Variants in DMC1 observed in about 807,000 individuals in gnomAD.
DMC1 encodes meiotic recombination protein DMC1 homolog.
Under a neutral mutation model 50.1 loss-of-function variants are expected in DMC1, and 27 were observed. The ratio of observed to expected loss-of-function variants is 0.54; its 90% CI spans 0.40 to 0.74. The LOEUF is 0.74. DMC1 is among the 30% of genes least tolerant of loss of function. The probability of loss-of-function intolerance (pLI) is 0.00; values close to 1 mark genes in which losing one functional copy is unlikely to be tolerated. For synonymous variants in DMC1, 148 were observed against 136.1 expected (o/e 1.09, Z -0.61); for missense variants, 295 against 420.2 (o/e 0.70, Z 2.60).
intron 12 of DMC1, among the ~76,000 whole-genome samples, chr22:38,535,264 A>C (rs1602728428): frequency 6.6e-6 from 1 of 151,502 alleles, no homozygotes; most frequent in Non-Finnish European, 1.5e-5. Flanking sequence ...GTGCCACTGC[A>C]CTCTAGCCTG....
intron 8 of DMC1, chr22:38,549,707 A>G (rs375969787): frequency 3.9e-6 from 2 of 510,792 alleles, no homozygotes. Context: ...ATTTCCTCTC[A>G]TGTATTTGTT....
chr22:38,529,744 C>T (rs531902568), intron 12 of DMC1, among the ~76,000 whole-genome samples: 2 of 152,108 alleles, frequency 1.3e-5, no homozygotes, highest in East Asian at 1.9e-4. Context: ...ATTGGGCAAA[C>T]GCTAAGTATT....
the DMC1 span, among the ~76,000 whole-genome samples, chr22:38,513,445 C>A: frequency 6.6e-6 from 1 of 152,170 alleles, no homozygotes; most frequent in Non-Finnish European, 1.5e-5. Flanking sequence ...GAAACATTTG[C>A]CCTAACAAGC....
At chr22:38,566,475 T>C (rs1260510470) in intron 4 of DMC1, 115 bp downstream of exon 4, 8 of 1,111,470 alleles carry the variant, frequency 7.2e-6, no homozygotes, top group Non-Finnish European at 1.1e-5. Flanking sequence ...GAGTATAATA[T>C]ACTGTGATCT....
intron 8 of DMC1, among the ~76,000 whole-genome samples, chr22:38,542,563 A>T (rs2090295042): frequency 6.6e-6 from 1 of 152,224 alleles, no homozygotes; most frequent in Admixed American, 6.5e-5. Flanking sequence ...AGGACACACA[A>T]AAAACAGAAA....
intron 7 of DMC1, among the ~76,000 whole-genome samples, chr22:38,551,911 A>G (rs1389296506): frequency 4.8e-5 from 6 of 125,444 alleles, no homozygotes; most frequent in African/African-American, 1.6e-4. Flanking sequence ...CCCAGGCTGG[A>G]GTGCAGTGGC....
chr22:38,537,804 A>G (rs1255233881), intron 11 of DMC1, 152 bp from the exon 12 acceptor site: 12 of 648,488 alleles, frequency 1.9e-5, no homozygotes, highest in Non-Finnish European at 5.3e-6. Flanking sequence ...AACAGAAATT[A>G]TTTGTTATTA....
chr22:38,561,050 T>G (rs1041952396), intron 5 of DMC1, among the ~76,000 whole-genome samples: 17 of 152,014 alleles, frequency 1.1e-4, no homozygotes, highest in African/African-American at 3.9e-4. Context: ...CAGGCTAGAG[T>G]GCAGTGGCAT....
chr22:38,532,185 T>C (rs2090159735), intron 12 of DMC1, among the ~76,000 whole-genome samples: 3 of 152,202 alleles, frequency 2.0e-5, no homozygotes, highest in Admixed American at 2.0e-4. Flanking sequence ...GTGAAGCACT[T>C]CATGTCCTGT....
rs535430046 is a variant in DMC1 at position 38,520,519 on chromosome 22, G to A, written c.954-430C>T. On this transcript the variant is annotated intron_variant, in intron 13 of 13. Transcript: ENST00000216024. ...ATTACAGGTGCCTGCCACCACGCCC[G>A]GCTAATTTTTGTATTTTTAGTAGAG... is the stretch of plus-strand genomic sequence containing the variant. Among the ~76,000 whole-genome samples, 24 of 152,010 alleles carry A rather than the reference G, an allele frequency of 1.6e-4. No individual in the cohort carries two copies. In the South Asian group the frequency reaches 2.1e-3, roughly 13 times the overall value.
chr22:38,539,585 A>G (rs551042456), intron 8 of DMC1, among the ~76,000 whole-genome samples, 173 bp from the exon 9 acceptor site: 1 of 152,370 alleles, frequency 6.6e-6, no homozygotes, highest in South Asian at 2.1e-4. Flanking sequence ...TTGTTTATTC[A>G]TAAGTGCCTC....
At chr22:38,510,559 G>GAT in the DMC1 span, among the ~76,000 whole-genome samples, 1 of 152,188 alleles carries the variant, frequency 6.6e-6, no homozygotes, top group Non-Finnish European at 1.5e-5. Flanking sequence ...CAAGACCCCA[G>GAT]ATATACAAGT....
At chr22:38,552,618 T>C (rs1046421211) in intron 7 of DMC1, 48 bp downstream of exon 7, 3 of 1,268,920 alleles carry the variant, frequency 2.4e-6, no homozygotes, top group Middle Eastern at 1.9e-4. Context: ...AGATGTTTGA[T>C]AAGTAATAGC....
At chr22:38,514,109 G>A (rs892889648), downstream of DMC1, among the ~76,000 whole-genome samples, 3 of 152,094 alleles carry the variant, frequency 2.0e-5, no homozygotes, top group Admixed American at 6.6e-5. Flanking sequence ...TTTCAGTTTC[G>A]TGAGCCACTG....
chr22:38,562,843 A>T (rs780116044), intron 4 of DMC1, among the ~76,000 whole-genome samples: 1 of 152,054 alleles, frequency 6.6e-6, no homozygotes, highest in Non-Finnish European at 1.5e-5. Context: ...ATATACACAT[A>T]TATATACACA....
Position 38,549,821 on chromosome 22 carries a change from G to C in DMC1, c.494+104C>G, listed in dbSNP as rs960466750. The C allele has an allele frequency of 2.4e-5, 20 of 850,950 alleles. No individual in the cohort carries two copies. In the African/African-American group the frequency reaches 3.2e-4, roughly 14 times the overall value. The allele number at this position is 850,950 out of a possible 1,614,324, so 52.7% of individuals were successfully genotyped here. A position where few individuals can be genotyped will look rare whatever the true frequency, so the allele number is the denominator to read the frequency against. The stretch of plus-strand genomic sequence containing the variant: ...CCCTTTGGTTTGTCTCATTACTACT[G>C]GTTTATGGAATGACTACAAAGATTG... On this transcript the variant is annotated intron_variant, in intron 8 of 13. Transcript: ENST00000216024.
intron 7 of DMC1, among the ~76,000 whole-genome samples, chr22:38,551,752 T>G (rs979542881): frequency 6.6e-6 from 1 of 152,138 alleles, no homozygotes; most frequent in Non-Finnish European, 1.5e-5. Flanking sequence ...TTCAATTTTA[T>G]TGGTGGGGGA....
intron 7 of DMC1, 37 bp downstream of exon 7, chr22:38,552,629 C>T (rs1427891291): frequency 2.2e-6 from 3 of 1,393,736 alleles, no homozygotes; most frequent in South Asian, 1.2e-5. Context: ...AAGTAATAGC[C>T]ATGATTATTA....
rs1251515856 is a variant in DMC1, at chr22:38,539,416, G to T, written c.495-4C>A. 6.2e-7 allele frequency: 1 copy of T among 1,613,056 alleles called. No individual in the cohort carries two copies. Among genetic ancestry groups the T allele is most frequent in the Non-Finnish European group, 8.5e-7 (1 of 1,179,268 alleles). ...GTCCCTAAGGCGATCTGGACGGCTG[G>T]AGTATGCCAAGATTAAGGATCCAAT... On this transcript the variant is annotated splice_polypyrimidine_tract_variant and splice_region_variant and intron_variant, in intron 8 of 13. Transcript: ENST00000216024.
Sources: gnomAD v4.1 joint callset for allele counts (sites outside exome capture counted in the v4.1 genomes callset) on GRCh38, gnomAD v4.1.1 for gene constraint, MANE v1.5 for transcripts, NCBI Gene and HGNC (gene_info 2026-07-23, HGNC 2026-07-21) for gene names.